Variants in SMARCA2 observed in about 807,000 individuals in gnomAD.
The protein encoded by SMARCA2 is SWI/SNF-related matrix-associated actin-dependent regulator of chromatin subfamily A member 2.
SMARCA2 carries 61 observed loss-of-function variants against 199.8 expected under a neutral mutation model. The observed-to-expected ratio is 0.31, with a 90% CI of 0.25 to 0.38. The LOEUF is 0.38. Among genes scored for constraint, SMARCA2 ranks in the 10% least tolerant of loss-of-function variants. The pLI is 1.00. For missense variants in SMARCA2, 1,344 were observed against 2,012.2 expected, an observed-to-expected ratio of 0.67 and a Z score of 6.35; for synonymous variants, 935 against 732.0, an observed-to-expected ratio of 1.28 and a Z score of -4.48.
In SMARCA2 at chr9:2,104,857, TCAGCATTTATA is replaced by T. The variant is rs1822682021; in HGVS notation, c.3292+691_3292+701del. 6.6e-6 allele frequency among the ~76,000 whole-genome samples: 1 copy of T among 152,186 alleles called. No individual in the cohort carries two copies. The highest frequency in any genetic ancestry group is 2.1e-4 in the South Asian group (1 of 4,832). ...CATAATATATTAGAGGTTGAAAGTA[TCAGCATTTATA>T]CACAATGGAAGGGCATAAATATGGC... is the stretch of plus-strand genomic sequence containing the variant. On this transcript the variant is annotated intron_variant, in intron 23 of 33. Transcript: ENST00000349721. The surrounding 1 kb of genome is among the most constrained non-coding windows in gnomAD (Gnocchi z 4.0).
intron 29 of SMARCA2, chr9:2,181,365 CA>C (rs2129873013): frequency 2.2e-6 from 1 of 445,268 alleles, no homozygotes; most frequent in Non-Finnish European, 4.0e-6. Flanking sequence ...AAGTGGGGAC[CA>C]AATTGTATTT....
chr9:2,136,879 T>C (rs1409725001), intron 27 of SMARCA2, among the ~76,000 whole-genome samples: 3 of 152,194 alleles, frequency 2.0e-5, no homozygotes, highest in Non-Finnish European at 4.4e-5. Context: ...TACTTAATGC[T>C]AGAATTTTAG....
chr9:2,182,648 C>T (rs145198733), intron 31 of SMARCA2, among the ~76,000 whole-genome samples: 2,519 of 151,880 alleles, frequency 0.017, 68 homozygotes, highest in African/African-American at 0.057. Context: ...GCACCCACCA[C>T]CATGCCTGGC....
intron 27 of SMARCA2, among the ~76,000 whole-genome samples, chr9:2,133,867 T>C (rs1189283339): frequency 6.6e-6 from 1 of 152,078 alleles, no homozygotes; most frequent in African/African-American, 2.4e-5. Context: ...AGGATAGTGA[T>C]TAAGAGTACA....
At chr9:2,145,016 C>T (rs1010438802) in intron 27 of SMARCA2, among the ~76,000 whole-genome samples, 3 of 152,102 alleles carry the variant, frequency 2.0e-5, no homozygotes, top group Admixed American at 6.5e-5. Context: ...CTTAGAGAAA[C>T]GCGCTGGTTA....
At chr9:2,021,283 T>C (rs1477022589) in intron 1 of SMARCA2, among the ~76,000 whole-genome samples, 1 of 152,154 alleles carries the variant, frequency 6.6e-6, no homozygotes, top group Non-Finnish European at 1.5e-5. Context: ...TTAAATATAA[T>C]TGAAACTCCC....
At position 2,033,031 on chromosome 9, in the gene SMARCA2, C is replaced by A. The variant is rs749577820; in HGVS notation, c.305C>A (p.Pro102His). 4.3e-6 allele frequency: 7 copies of A among 1,614,048 alleles called. No homozygotes were observed. The Admixed American group carries it at 1.2e-4, about 27-fold the overall frequency. ...ATGAAGGGCACTGGTATGCGACCACCTCACCCAGGCATGGGCCCTCCCCAG... is the reference window on the plus strand; with the variant it reads ...ATGAAGGGCACTGGTATGCGACCACATCACCCAGGCATGGGCCCTCCCCAG... Reference protein sequence around the residue: ...GSMKGTGMRPPHPGMGPPQSP... With the variant: ...GSMKGTGMRPHHPGMGPPQSP... Residue 102 changes from proline to histidine, a missense_variant, in exon 3 of 34, where the codon CCT becomes CAT. Coordinates refer to ENST00000349721, the MANE Select transcript of SMARCA2 (RefSeq NM_003070.5).
At chr9:2,118,761 T>C (rs1823326402) in intron 25 of SMARCA2, among the ~76,000 whole-genome samples, 1 of 152,238 alleles carries the variant, frequency 6.6e-6, no homozygotes. Context: ...TGACGTAATA[T>C]AAAATGAAAA....
intron 9 of SMARCA2, among the ~76,000 whole-genome samples, chr9:2,068,636 T>A (rs1463672170): frequency 6.6e-6 from 1 of 152,190 alleles, no homozygotes; most frequent in East Asian, 1.9e-4. Flanking sequence ...TGATTCTGTA[T>A]CGTCATTTTT....
At chr9:2,189,288 G>A (rs1019685286) in intron 32 of SMARCA2, among the ~76,000 whole-genome samples, 2 of 152,076 alleles carry the variant, frequency 1.3e-5, no homozygotes, top group African/African-American at 4.8e-5. Context: ...CTCACCTAAT[G>A]GTCCAGTTTA....
At chr9:2,139,620 TTC>T (rs1287888704) in intron 27 of SMARCA2, among the ~76,000 whole-genome samples, 2 of 151,100 alleles carry the variant, frequency 1.3e-5, no homozygotes, top group Non-Finnish European at 2.9e-5. Context: ...TGTTCTATTT[TTC>T]TCCATTTTTA....
intron 27 of SMARCA2, among the ~76,000 whole-genome samples, chr9:2,139,166 C>G (rs971473367): frequency 1.3e-5 from 2 of 152,194 alleles, no homozygotes; most frequent in African/African-American, 2.4e-5. Flanking sequence ...GGTCTTCCTT[C>G]TGGCTGCACA....
chr9:2,068,079 G>A (rs1052324668), intron 9 of SMARCA2, among the ~76,000 whole-genome samples: 4 of 152,160 alleles, frequency 2.6e-5, no homozygotes, highest in African/African-American at 9.7e-5. Flanking sequence ...AGAATGGTGG[G>A]ATTAATTGAC....
At chr9:2,075,761 G>T in intron 12 of SMARCA2, among the ~76,000 whole-genome samples, 1 of 152,218 alleles carries the variant, frequency 6.6e-6, no homozygotes, top group East Asian at 1.9e-4. Context: ...GGGTTCAAGC[G>T]ATTCTCCTGC....
chr9:2,056,899 A>C lies in SMARCA2; in HGVS notation c.1347+54A>C, dbSNP rs1482771810. ...TCACTTTGGCAGAGCTGTCCAATGA[A>C]TTCATCAAATGGGGTCAGAATGACT... On this transcript the variant is annotated intron_variant, in intron 7 of 33. Transcript: ENST00000349721. The surrounding 1 kb of genome is among the most constrained non-coding windows in gnomAD (Gnocchi z 4.0). 1.7e-5 allele frequency: 26 copies of C among 1,526,948 alleles called. No homozygotes were observed. The highest frequency in any genetic ancestry group is 2.1e-5 in the Non-Finnish European group (24 of 1,116,998). 94.6% of individuals were successfully genotyped at this position (1,526,948 alleles called of 1,614,324 possible). A position where few individuals can be genotyped will look rare whatever the true frequency, so the allele number is the denominator to read the frequency against.
intron 32 of SMARCA2, among the ~76,000 whole-genome samples, chr9:2,188,907 G>C (rs543582047): frequency 1.3e-5 from 2 of 152,312 alleles, no homozygotes; most frequent in African/African-American, 2.4e-5. Context: ...GTTCCCAACA[G>C]TGTTCTTTGG....
intron 19 of SMARCA2, among the ~76,000 whole-genome samples, chr9:2,090,046 A>G (rs181400034): frequency 5.6e-4 from 85 of 152,326 alleles, no homozygotes; most frequent in African/African-American, 2.0e-3. Context: ...GCAAGTTGAA[A>G]GTATGTTATG....
rs751838059 is a variant in SMARCA2 at position 2,191,405 on chromosome 9, A to T, written c.4734A>T (p.Glu1578Asp). 72 of 1,613,982 alleles carry T rather than the reference A, an allele frequency of 4.5e-5. No individual in the cohort carries two copies. The highest frequency in any genetic ancestry group is 5.9e-5 in the Non-Finnish European group (70 of 1,179,964). ...TTGACAGCGATGAGGAGCAGGATGA[A>T]CGTGTAAGTGTAGCCGACTGGGACT... Reference protein sequence around the residue: ...SDFDSDEEQDEREQSEGSGTD... With the variant: ...SDFDSDEEQDDREQSEGSGTD... Residue 1578 changes from glutamate (E) to aspartate (D), a missense_variant, in exon 33 of 34, where the codon GAA (glutamate) becomes GAT (aspartate). Glu to Asp is a conservative substitution (Grantham distance 45). This residue lies in a region of SMARCA2 where 155 missense variants were observed against 121.1 expected (regional missense o/e 1.28). Transcript: ENST00000349721.
chr9:2,180,810 A>G (rs921579537), intron 29 of SMARCA2, among the ~76,000 whole-genome samples: 17 of 152,188 alleles, frequency 1.1e-4, no homozygotes, highest in Non-Finnish European at 2.2e-4. Flanking sequence ...ATTTGTTGCT[A>G]TAGAACCTGC....
Sources: gnomAD v4.1 joint callset for allele counts (sites outside exome capture counted in the v4.1 genomes callset) on GRCh38, gnomAD v4.1.1 for gene constraint, gnomAD v4.1.1 regional missense constraint, Gnocchi (gnomAD v3.1) non-coding constraint, MANE v1.5 for transcripts, NCBI Gene and HGNC (gene_info 2026-07-23, HGNC 2026-07-21) for gene names.